The following ANTXR1 variants were observed in gnomAD, a reference collection of about 807,000 sequenced individuals.
The protein encoded by ANTXR1 is anthrax toxin receptor 1.
A neutral mutation model predicts 78.1 loss-of-function variants in ANTXR1; 19 were observed. The observed-to-expected ratio is 0.24, with a 90% CI of 0.17 to 0.36. The LOEUF is 0.36. ANTXR1 is among the 10% of genes least tolerant of loss of function. The probability of loss-of-function intolerance (pLI) is 1.00; values close to 1 mark genes in which losing one functional copy is unlikely to be tolerated. For missense variants in ANTXR1, 518 were observed against 718.6 expected (o/e 0.72, Z 3.19); for synonymous variants, 273 against 260.5 (o/e 1.05, Z -0.46).
At chr2:69,090,488 C>A (rs993033665) in intron 8 of ANTXR1, among the ~76,000 whole-genome samples, 6 of 152,112 alleles carry the variant, frequency 3.9e-5, no homozygotes, top group African/African-American at 1.4e-4. Flanking sequence ...CTCTTTCACC[C>A]TTGCACCTAC....
intron 10 of ANTXR1, 98 bp from the exon 11 acceptor site, chr2:69,122,919 G>C: frequency 7.6e-7 from 1 of 1,319,978 alleles, no homozygotes; most frequent in Non-Finnish European, 1.1e-6. Context: ...TGTTTTTTTG[G>C]TATCTCCCTG....
Position 69,040,139 on chromosome 2 carries a change from T to C in ANTXR1, c.224+24T>C, listed in dbSNP as rs920942827. On this transcript the variant is annotated intron_variant, in intron 2 of 17. Transcript: ENST00000303714. ...AGGTGAGAAACACTATGCATTTTGTTCACTTGTAGTTCTCTGTCATGAGTC... is the reference window on the plus strand; with the variant it reads ...AGGTGAGAAACACTATGCATTTTGTCCACTTGTAGTTCTCTGTCATGAGTC... 3.7e-6 allele frequency: 6 copies of C among 1,600,938 alleles called. No individual in the cohort carries two copies. The African/African-American group carries it at 4.0e-5, about 11-fold the overall frequency.
At chr2:69,041,144 G>T (rs1669604346) in intron 2 of ANTXR1, among the ~76,000 whole-genome samples, 1 of 152,152 alleles carries the variant, frequency 6.6e-6, no homozygotes. Context: ...GAGGACAGAA[G>T]GGAGAAAAAG....
intron 3 of ANTXR1, among the ~76,000 whole-genome samples, chr2:69,055,465 T>C (rs1030874925): frequency 1.3e-5 from 2 of 152,284 alleles, no homozygotes; most frequent in Middle Eastern, 6.8e-3. Context: ...GAAATCACCA[T>C]GGAGCAATTT....
intron 10 of ANTXR1, among the ~76,000 whole-genome samples, chr2:69,105,746 T>C (rs1183346694): frequency 1.3e-5 from 2 of 152,258 alleles, no homozygotes; most frequent in African/African-American, 4.8e-5. Flanking sequence ...CATATTTCTT[T>C]TTTCAAGATT....
intron 8 of ANTXR1, 114 bp downstream of exon 8, chr2:69,077,602 A>G: frequency 8.9e-7 from 1 of 1,119,158 alleles, no homozygotes; most frequent in Non-Finnish European, 1.4e-6. Context: ...TTAAGAGAAC[A>G]TCATTTCTTC....
chr2:69,070,045 C>T (rs1382561584), intron 3 of ANTXR1, among the ~76,000 whole-genome samples: 1 of 152,204 alleles, frequency 6.6e-6, no homozygotes, highest in Non-Finnish European at 1.5e-5. Flanking sequence ...ATTTATGTTT[C>T]CCACTGCCAG....
chr2:69,089,979 G>A (rs1356965901), intron 8 of ANTXR1, among the ~76,000 whole-genome samples: 1 of 152,146 alleles, frequency 6.6e-6, no homozygotes, highest in Non-Finnish European at 1.5e-5. Flanking sequence ...CCCCACTCTA[G>A]CCAGCAAAAG....
chr2:69,061,540 G>A (rs80012023), intron 3 of ANTXR1, among the ~76,000 whole-genome samples: 4,175 of 150,912 alleles, frequency 0.028, 76 homozygotes, highest in Non-Finnish European at 0.041. Context: ...TCATCAATTG[G>A]CATGCCCACC....
chr2:69,122,524 T>C (rs1158168768), intron 10 of ANTXR1, among the ~76,000 whole-genome samples: 2 of 152,260 alleles, frequency 1.3e-5, no homozygotes, highest in Non-Finnish European at 1.5e-5. Flanking sequence ...CAGGAAGCTA[T>C]GATTCAGGCA....
chr2:69,232,452 GAC>G (rs1055927149), intron 17 of ANTXR1, among the ~76,000 whole-genome samples: 2 of 147,570 alleles, frequency 1.4e-5, no homozygotes, highest in Non-Finnish European at 3.0e-5. Context: ...AAAGCACTTA[GAC>G]ACCACTGCAC....
intron 16 of ANTXR1, among the ~76,000 whole-genome samples, chr2:69,190,809 T>C (rs1674526977): frequency 6.6e-6 from 1 of 151,948 alleles, no homozygotes; most frequent in Non-Finnish European, 1.5e-5. Flanking sequence ...AGGTGGTTTC[T>C]GGTCTTTTGC....
At chr2:69,107,438 C>T (rs1671846589) in intron 10 of ANTXR1, among the ~76,000 whole-genome samples, 1 of 152,070 alleles carries the variant, frequency 6.6e-6, no homozygotes, top group African/African-American at 2.4e-5. Context: ...CAAGGTTTCA[C>T]CATGTTGCCC....
At chr2:69,114,561 C>T (rs1213837790) in intron 10 of ANTXR1, among the ~76,000 whole-genome samples, 1 of 152,168 alleles carries the variant, frequency 6.6e-6, no homozygotes, top group Non-Finnish European at 1.5e-5. Context: ...CAATAATAAC[C>T]CACTTCATTT....
At chr2:69,176,310 C>T (rs1370468159) in intron 14 of ANTXR1, among the ~76,000 whole-genome samples, 2 of 152,060 alleles carry the variant, frequency 1.3e-5, no homozygotes, top group Non-Finnish European at 1.5e-5. Context: ...ATGTGAAATG[C>T]GGCTCAGAAT....
chr2:69,044,715 C>G, intron 2 of ANTXR1, 27 bp from the exon 3 acceptor site: 1 of 1,611,746 alleles, frequency 6.2e-7, no homozygotes, highest in Non-Finnish European at 8.5e-7. Flanking sequence ...TATTGTCTGT[C>G]CTAATAGAGC....
At chr2:69,188,365 G>T (rs1674472689) in intron 16 of ANTXR1, among the ~76,000 whole-genome samples, 2 of 152,208 alleles carry the variant, frequency 1.3e-5, no homozygotes, top group African/African-American at 2.4e-5. Context: ...AGAGTGTTGG[G>T]ATTATAGGCA....
intron 9 of ANTXR1, among the ~76,000 whole-genome samples, chr2:69,099,024 C>G (rs555660046): frequency 6.6e-6 from 1 of 151,812 alleles, no homozygotes; most frequent in African/African-American, 2.4e-5. Context: ...TAATGTATCA[C>G]AAAGTTGTAC....
At chr2:69,078,585 A>G (rs1670809219) in intron 8 of ANTXR1, among the ~76,000 whole-genome samples, 1 of 152,194 alleles carries the variant, frequency 6.6e-6, no homozygotes, top group Admixed American at 6.5e-5. Context: ...AGAAGCTCAG[A>G]GCCCGGCAAC....
Sources: allele counts gnomAD v4.1 joint callset (sites outside exome capture counted in the v4.1 genomes callset), GRCh38; gene constraint gnomAD v4.1.1; transcripts MANE v1.5; gene names NCBI Gene and HGNC (gene_info 2026-07-23, HGNC 2026-07-21).